Variants in DGKI observed in about 807,000 individuals in gnomAD.
DGKI encodes diacylglycerol kinase iota.
DGKI carries 55 observed loss-of-function variants against 147.5 expected under a neutral mutation model. That is an observed-to-expected ratio of 0.37 (90% CI 0.30 to 0.47). DGKI has a LOEUF of 0.47. DGKI is among the 20% of genes least tolerant of loss of function. DGKI has a pLI of 1.00. For missense variants in DGKI, 1,007 were observed against 1,323.8 expected, an observed-to-expected ratio of 0.76 and a Z score of 3.71; for synonymous variants, 469 against 477.1, an observed-to-expected ratio of 0.98 and a Z score of 0.22.
rs1306181566 is a variant in DGKI at position 137,846,307 on chromosome 7, G to C, written c.401+155C>G. 6.6e-6 allele frequency among the ~76,000 whole-genome samples: 1 copy of C among 151,992 alleles called. No homozygotes were observed. Among genetic ancestry groups the C allele is most frequent in the East Asian group, 1.9e-4 (1 of 5,158 alleles). On this transcript the variant is annotated intron_variant, in intron 1 of 32. Transcript: ENST00000614521. This position sits in a 1 kb window ranked among gnomAD's most constrained non-coding sequence, Gnocchi z 4.0. The stretch of plus-strand genomic sequence containing the variant: ...CCAGCCTGGAATGATAGGATGGGGA[G>C]AAGACAGACATCCCCGGGAGGAGAG...
intron 21 of DGKI, among the ~76,000 whole-genome samples, chr7:137,518,572 C>G (rs1816858371): frequency 6.6e-6 from 1 of 152,050 alleles, no homozygotes; most frequent in Non-Finnish European, 1.5e-5. Flanking sequence ...AATTCCCTAT[C>G]CTTATAGACT....
intron 2 of DGKI, among the ~76,000 whole-genome samples, chr7:137,679,191 A>G (rs1284003975): frequency 6.6e-6 from 1 of 152,226 alleles, no homozygotes; most frequent in Non-Finnish European, 1.5e-5. Context: ...GTGTACTCAA[A>G]GCATAATACG....
chr7:137,573,409 G>A (rs1818859700), intron 17 of DGKI, among the ~76,000 whole-genome samples: 1 of 152,120 alleles, frequency 6.6e-6, no homozygotes, highest in Admixed American at 6.6e-5. Flanking sequence ...CTTCATTCGT[G>A]GTTTGTTCTT....
At position 137,477,558 on chromosome 7, in the gene DGKI, C is replaced by G. The variant is rs113890507; in HGVS notation, c.2373+7816G>C. Among the ~76,000 whole-genome samples, 48 of 152,268 alleles carry G rather than the reference C, an allele frequency of 3.2e-4. 1 individual carries two copies. Among genetic ancestry groups the G allele is most frequent in the African/African-American group, 1.1e-3 (47 of 41,562 alleles). Reference sequence around the variant, plus strand: ...ACTGAATTAGAGTTTCACCTATTAGCAAGATGAATTTCCATGGTACATTAC... The same window carrying G: ...ACTGAATTAGAGTTTCACCTATTAGGAAGATGAATTTCCATGGTACATTAC... On this transcript the variant is annotated intron_variant, in intron 23 of 32. Transcript: ENST00000614521.
At chr7:137,677,473 C>T (rs1489317722) in intron 3 of DGKI, among the ~76,000 whole-genome samples, 1 of 152,138 alleles carries the variant, frequency 6.6e-6, no homozygotes, top group Non-Finnish European at 1.5e-5. Context: ...CCCCAGAACT[C>T]TCAAAACTCT....
chr7:137,402,548 T>C (rs1188071898), intron 30 of DGKI, among the ~76,000 whole-genome samples: 2 of 152,274 alleles, frequency 1.3e-5, no homozygotes, highest in Non-Finnish European at 2.9e-5. Context: ...GATGTGACTT[T>C]GTCATCAATA....
intron 32 of DGKI, 114 bp downstream of exon 32, chr7:137,395,484 C>T (rs1811515658): frequency 3.2e-6 from 3 of 937,432 alleles, no homozygotes; most frequent in Non-Finnish European, 5.0e-6. Flanking sequence ...TTTCCAAAGC[C>T]CCAGGCACTT....
intron 1 of DGKI, among the ~76,000 whole-genome samples, chr7:137,754,986 A>G (rs1428745975): frequency 2.0e-5 from 3 of 152,132 alleles, no homozygotes; most frequent in Non-Finnish European, 4.4e-5. Context: ...TTTCTCCTAC[A>G]TTATCTTTTT....
chr7:137,623,476 A>T lies in DGKI; in HGVS notation c.876+7T>A. ...GCCCACATTGCTTTATTTCATCCCA[A>T]TCTTACCGCCTGCTTGCACCAGGAA... On this transcript the variant is annotated splice_region_variant and intron_variant, in intron 7 of 32. Coordinates refer to ENST00000614521, the MANE Select transcript of DGKI (RefSeq NM_001321708.2). 6.2e-7 allele frequency: 1 copy of T among 1,613,578 alleles called. No individual in the cohort carries two copies. The highest frequency in any genetic ancestry group is 8.5e-7 in the Non-Finnish European group (1 of 1,179,514).
At chr7:137,603,138 T>A (rs1255425014) in intron 10 of DGKI, among the ~76,000 whole-genome samples, 1 of 152,042 alleles carries the variant, frequency 6.6e-6, no homozygotes, top group Non-Finnish European at 1.5e-5. Flanking sequence ...CAGTTTTAGG[T>A]AGGAGAATAC....
At chr7:137,545,525 T>C (rs1368996241) in intron 20 of DGKI, among the ~76,000 whole-genome samples, 1 of 152,150 alleles carries the variant, frequency 6.6e-6, no homozygotes, top group East Asian at 1.9e-4. Context: ...TCTTAAGGTT[T>C]CATCCAGAAA....
Position 137,613,235 on chromosome 7 carries a change from C to G in DGKI, c.994-3626G>C, listed in dbSNP as rs10232062. On this transcript the variant is annotated intron_variant, in intron 8 of 32. Coordinates refer to ENST00000614521, the MANE Select transcript of DGKI (RefSeq NM_001321708.2). ...GTCATCCCAAATAAAGTCTCCCCCC[C>G]ATCATATACTGGACAAAACTCTGGT... Among the ~76,000 whole-genome samples the G allele has an allele frequency of 7.9e-5, 12 of 152,162 alleles. No homozygotes were observed. In the East Asian group the frequency reaches 1.7e-3, roughly 22 times the overall value.
intron 30 of DGKI, among the ~76,000 whole-genome samples, chr7:137,406,269 G>T (rs1053486001): frequency 6.6e-6 from 1 of 152,126 alleles, no homozygotes; most frequent in African/African-American, 2.4e-5. Flanking sequence ...GAAATCCTGA[G>T]ATATTAGTGT....
At chr7:137,537,109 G>A (rs990293844) in intron 20 of DGKI, among the ~76,000 whole-genome samples, 4 of 152,114 alleles carry the variant, frequency 2.6e-5, no homozygotes, top group Admixed American at 6.5e-5. Context: ...ATGACATGAT[G>A]GTATGACTGA....
chr7:137,574,696 A>T (rs909930833), intron 17 of DGKI, among the ~76,000 whole-genome samples: 1 of 152,128 alleles, frequency 6.6e-6, no homozygotes, highest in South Asian at 2.1e-4. Context: ...ACTTTTTCCC[A>T]ACTTCAAATA....
At chr7:137,743,313 G>A (rs1397362110) in intron 1 of DGKI, among the ~76,000 whole-genome samples, 2 of 152,174 alleles carry the variant, frequency 1.3e-5, no homozygotes, top group African/African-American at 4.8e-5. Context: ...TCATCCAGCA[G>A]CCAAAGAAAA....
At chr7:137,794,448 T>C (rs1489959585) in intron 1 of DGKI, among the ~76,000 whole-genome samples, 1 of 152,256 alleles carries the variant, frequency 6.6e-6, no homozygotes, top group African/African-American at 2.4e-5. Flanking sequence ...AGCTAGCAAA[T>C]TGCAGGAATC....
chr7:137,618,151 A>ATATTTTT, intron 8 of DGKI, among the ~76,000 whole-genome samples: 11 of 10,468 alleles, frequency 1.1e-3, no homozygotes, highest in East Asian at 0.014. Flanking sequence ...ATATATATAT[A>ATATTTTT]TTTTTTTTTT....
At chr7:137,491,707 T>C (rs888658715) in intron 21 of DGKI, among the ~76,000 whole-genome samples, 1 of 152,194 alleles carries the variant, frequency 6.6e-6, no homozygotes, top group Non-Finnish European at 1.5e-5. Flanking sequence ...TTCCACTCCA[T>C]GGATGTTCAA....
Sources: allele counts gnomAD v4.1 joint callset (sites outside exome capture counted in the v4.1 genomes callset), GRCh38; gene constraint gnomAD v4.1.1; non-coding constraint Gnocchi (gnomAD v3.1); transcripts MANE v1.5; gene names NCBI Gene and HGNC (gene_info 2026-07-23, HGNC 2026-07-21).